KAZN: variants seen among roughly 807,000 people sequenced by gnomAD.
The protein encoded by KAZN is kazrin, periplakin interacting protein, also known as kazrin.
Under a neutral mutation model 87.4 loss-of-function variants are expected in KAZN, and 40 were observed. The observed-to-expected ratio is 0.46, with a 90% CI of 0.36 to 0.60. The LOEUF (loss-of-function observed/expected upper bound fraction) is 0.60. KAZN is among the 20% of genes least tolerant of loss of function. KAZN has a pLI of 0.00. For missense variants in KAZN, 898 were observed against 1,073.9 expected (o/e 0.84, Z 2.29); for synonymous variants, 466 against 458.3 (o/e 1.02, Z -0.22).
chr1:13,975,698 T>C (rs2101060819), intron 1 of KAZN, among the ~76,000 whole-genome samples: 1 of 152,296 alleles, frequency 6.6e-6, no homozygotes, highest in East Asian at 1.9e-4. Context: ...GTAGATAGTA[T>C]TGACTCAATT....
At chr1:14,650,939 C>G (rs1572136271) in intron 1 of KAZN, among the ~76,000 whole-genome samples, 1 of 152,274 alleles carries the variant, frequency 6.6e-6, no homozygotes, top group Non-Finnish European at 1.5e-5. Flanking sequence ...CCAAATGCTA[C>G]CCATGCATAT....
rs148167536 is a variant in KAZN at position 14,620,099 on chromosome 1, T to G, written c.226+20876T>G. The stretch of plus-strand genomic sequence containing the variant: ...CCATCTGTACAATAGTAAGTACAGT[T>G]ACCCATCTGTACAATGGTAGGATCT... On this transcript the variant is annotated intron_variant, in intron 1 of 14. Transcript: ENST00000376030. Among the ~76,000 whole-genome samples, 801 of 152,344 alleles carry G rather than the reference T, an allele frequency of 5.3e-3. 13 individuals are homozygous for G. The highest frequency in any genetic ancestry group is 0.018 in the African/African-American group (767 of 41,574).
chr1:15,043,001 G>A (rs1160203974), intron 3 of KAZN, among the ~76,000 whole-genome samples: 8 of 152,244 alleles, frequency 5.3e-5, no homozygotes, highest in Admixed American at 2.0e-4. Context: ...TCAGCTGTCT[G>A]TTCCTTCCCT....
chr1:14,202,075 T>C (rs1646651532), intron 2 of KAZN, among the ~76,000 whole-genome samples: 1 of 152,148 alleles, frequency 6.6e-6, no homozygotes. Context: ...CTTAACCCAA[T>C]GAGGTAAGTA....
At chr1:14,169,048 C>T (rs1645893689) in intron 1 of KAZN, among the ~76,000 whole-genome samples, 1 of 152,118 alleles carries the variant, frequency 6.6e-6, no homozygotes, top group Non-Finnish European at 1.5e-5. Context: ...AAATAAAAGG[C>T]ATTTGTCGTA....
At chr1:14,188,330 C>T (rs1646354984) in intron 2 of KAZN, among the ~76,000 whole-genome samples, 1 of 151,604 alleles carries the variant, frequency 6.6e-6, no homozygotes, top group African/African-American at 2.4e-5. Context: ...GAAATAGCTC[C>T]CCTGAGATGT....
intron 1 of KAZN, among the ~76,000 whole-genome samples, chr1:14,060,162 G>C (rs1642732389): frequency 6.6e-6 from 1 of 152,068 alleles, no homozygotes; most frequent in Non-Finnish European, 1.5e-5. Flanking sequence ...AGGAGATCGA[G>C]ACCATCCTAG....
At chr1:14,300,843 G>A (rs552283938) in intron 2 of KAZN, among the ~76,000 whole-genome samples, 11 of 152,310 alleles carry the variant, frequency 7.2e-5, no homozygotes, top group Middle Eastern at 3.4e-3. Context: ...TCCCTAGGAC[G>A]TATCCTACCT....
At chr1:14,353,178 T>C (rs191982875) in intron 2 of KAZN, among the ~76,000 whole-genome samples, 1 of 150,200 alleles carries the variant, frequency 6.7e-6, no homozygotes, top group East Asian at 2.0e-4. Flanking sequence ...AACAAAATGA[T>C]AAAAACTAGG....
chr1:15,073,133 G>A (rs541107111), intron 8 of KAZN, among the ~76,000 whole-genome samples: 1 of 152,188 alleles, frequency 6.6e-6, no homozygotes, highest in Non-Finnish European at 1.5e-5. Context: ...GGACTTCCGT[G>A]TACGAGTCCA....
chr1:14,934,555 G>A (rs1660232364), intron 1 of KAZN, among the ~76,000 whole-genome samples: 1 of 152,186 alleles, frequency 6.6e-6, no homozygotes, highest in Non-Finnish European at 1.5e-5. Flanking sequence ...ACCACTCCTT[G>A]CCCTGGGGTT....
rs1009295327 is a variant in KAZN, at chr1:14,184,746, A to C, written c.249+4154A>C. Reference sequence around the variant, plus strand: ...GGACACTCCCTGGCCTCAGATGGGGAAGTGCAGTGTGGACCAGAGGAAACC... The same window carrying C: ...GGACACTCCCTGGCCTCAGATGGGGCAGTGCAGTGTGGACCAGAGGAAACC... On this transcript the variant is annotated intron_variant, in intron 2 of 16. Transcript: ENST00000636203. This position sits in a 1 kb window ranked among gnomAD's most constrained non-coding sequence, Gnocchi z 4.2. Among the ~76,000 whole-genome samples, 2 of 152,142 alleles carry C rather than the reference A, an allele frequency of 1.3e-5. No homozygotes were observed. The highest frequency in any genetic ancestry group is 4.8e-5 in the African/African-American group (2 of 41,434).
chr1:13,971,082 G>A (rs1642119259), intron 1 of KAZN, among the ~76,000 whole-genome samples: 1 of 152,170 alleles, frequency 6.6e-6, no homozygotes, highest in South Asian at 2.1e-4. Context: ...CTCTGTGCTA[G>A]ACATGTCTGG....
intron 2 of KAZN, among the ~76,000 whole-genome samples, chr1:14,346,990 G>A (rs188352839): frequency 1.3e-5 from 2 of 152,166 alleles, no homozygotes; most frequent in Admixed American, 1.3e-4. Flanking sequence ...ACTGCTATGG[G>A]GAAGGAAATA....
Position 14,267,728 on chromosome 1 carries a change from G to C in KAZN, c.249+87136G>C, listed in dbSNP as rs1651604777. Among the ~76,000 whole-genome samples, 5 of 152,220 alleles carry C rather than the reference G, an allele frequency of 3.3e-5. No individual in the cohort carries two copies. In the South Asian group the frequency reaches 1.0e-3, roughly 31 times the overall value. On this transcript the variant is annotated intron_variant, in intron 2 of 16. Transcript: ENST00000636203. The stretch of plus-strand genomic sequence containing the variant: ...CACGCCTGTAATCCCAGCACTTTGA[G>C]AGGCTGAGGCGGGCGGATCACTTGA...
chr1:14,712,971 T>G (rs893178307), intron 1 of KAZN, among the ~76,000 whole-genome samples: 1 of 152,170 alleles, frequency 6.6e-6, no homozygotes, highest in Non-Finnish European at 1.5e-5. Context: ...GTATCAGTTG[T>G]TTTTTAATGC....
At chr1:14,094,411 G>A (rs1236452304) in intron 1 of KAZN, among the ~76,000 whole-genome samples, 1 of 152,072 alleles carries the variant, frequency 6.6e-6, no homozygotes, top group East Asian at 1.9e-4. Context: ...CAAGGACAAG[G>A]TTTTTCACTA....
chr1:14,955,574 G>A (rs1001596942), intron 1 of KAZN, among the ~76,000 whole-genome samples: 1 of 152,216 alleles, frequency 6.6e-6, no homozygotes, highest in Non-Finnish European at 1.5e-5. Flanking sequence ...CTAAGACTTG[G>A]CTCCTGCAGG....
At chr1:14,609,320 G>A (rs1677628119) in intron 1 of KAZN, among the ~76,000 whole-genome samples, 1 of 152,156 alleles carries the variant, frequency 6.6e-6, no homozygotes, top group Non-Finnish European at 1.5e-5. Context: ...AATTTGACAT[G>A]GTACCAGGCA....
Sources: allele counts gnomAD v4.1 joint callset (sites outside exome capture counted in the v4.1 genomes callset), GRCh38; gene constraint gnomAD v4.1.1; non-coding constraint Gnocchi (gnomAD v3.1); transcripts MANE v1.5; gene names NCBI Gene and HGNC (gene_info 2026-07-23, HGNC 2026-07-21).